EPHA7: variants seen among roughly 807,000 people sequenced by gnomAD.
The protein encoded by EPHA7 is EPH receptor A7, also known as ephrin type-A receptor 7.
Under a neutral mutation model 112.6 loss-of-function variants are expected in EPHA7, and 25 were observed. The ratio of observed to expected loss-of-function variants is 0.22; its 90% CI spans 0.16 to 0.31. EPHA7 has a LOEUF of 0.31. EPHA7 is among the 10% of genes least tolerant of loss of function. EPHA7 has a pLI of 1.00. For missense variants in EPHA7, 962 were observed against 1,212.6 expected, an observed-to-expected ratio of 0.79 and a Z score of 3.07; for synonymous variants, 437 against 406.5, an observed-to-expected ratio of 1.07 and a Z score of -0.90.
chr6:93,260,759 G>A, intron 9 of EPHA7: 1 of 980,230 alleles, frequency 1.0e-6, no homozygotes, highest in Non-Finnish European at 1.2e-6. Context: ...AAAACTGACA[G>A]ATGCTCATTT....
intron 5 of EPHA7, among the ~76,000 whole-genome samples, chr6:93,355,648 C>A (rs555417109): frequency 6.6e-6 from 1 of 152,238 alleles, no homozygotes; most frequent in South Asian, 2.1e-4. Flanking sequence ...ACTGAGAAAG[C>A]CCCTAATTTC....
intron 3 of EPHA7, among the ~76,000 whole-genome samples, chr6:93,387,302 T>G (rs538521077): frequency 3.9e-4 from 59 of 152,214 alleles, no homozygotes; most frequent in African/African-American, 1.4e-3. Flanking sequence ...AAAGTCACCT[T>G]TGCTCCAATT....
intron 3 of EPHA7, among the ~76,000 whole-genome samples, chr6:93,383,792 G>C (rs975877738): frequency 2.6e-5 from 4 of 151,970 alleles, no homozygotes; most frequent in African/African-American, 9.7e-5. Flanking sequence ...CGAACTCCTG[G>C]GCTCAAGCCA....
intron 5 of EPHA7, among the ~76,000 whole-genome samples, chr6:93,282,066 A>C (rs140448752): frequency 2.6e-5 from 4 of 152,272 alleles, no homozygotes; most frequent in Non-Finnish European, 4.4e-5. Context: ...CACAATGTTT[A>C]TAACGTTGTC....
chr6:93,260,841 G>C, intron 9 of EPHA7: 1 of 659,138 alleles, frequency 1.5e-6, no homozygotes, highest in Non-Finnish European at 1.9e-6. Context: ...GGAGAAAAGA[G>C]AGAAGAAGGA....
chr6:93,331,409 T>G (rs1050947403), intron 5 of EPHA7, among the ~76,000 whole-genome samples: 1 of 150,944 alleles, frequency 6.6e-6, no homozygotes, highest in African/African-American at 2.4e-5. Context: ...CCTGAATACA[T>G]GCCTTCCTGA....
At chr6:93,358,116 T>A in intron 4 of EPHA7, 140 bp downstream of exon 4, 1 of 598,978 alleles carries the variant, frequency 1.7e-6, no homozygotes, top group African/African-American at 2.0e-5. Context: ...GAAAATTTTA[T>A]CTTAATATTT....
At chr6:93,419,191 G>A (rs1262919057) in intron 1 of EPHA7, 54 bp downstream of exon 1, 1 of 1,478,900 alleles carries the variant, frequency 6.8e-7, no homozygotes, top group East Asian at 2.4e-5. Flanking sequence ...GGCTTGTGCA[G>A]GTAGACATCT....
intron 3 of EPHA7, among the ~76,000 whole-genome samples, chr6:93,403,932 A>AT (rs1778559606): frequency 6.6e-6 from 1 of 152,042 alleles, no homozygotes. Context: ...ATAATTGTTA[A>AT]TTTTTTTCTT....
intron 3 of EPHA7, among the ~76,000 whole-genome samples, chr6:93,405,770 T>C (rs1208987287): frequency 7.3e-6 from 1 of 137,114 alleles, no homozygotes; most frequent in Non-Finnish European, 1.6e-5. Flanking sequence ...GTGTTTCTTA[T>C]ATTTCTGTAT....
intron 3 of EPHA7, among the ~76,000 whole-genome samples, chr6:93,406,065 A>T (rs1040688273): frequency 6.6e-6 from 1 of 150,630 alleles, no homozygotes; most frequent in Non-Finnish European, 1.5e-5. Flanking sequence ...ATAATGATAG[A>T]CCTCTTAACA....
At chr6:93,380,373 T>G (rs1375892784) in intron 3 of EPHA7, among the ~76,000 whole-genome samples, 1 of 152,094 alleles carries the variant, frequency 6.6e-6, no homozygotes, top group Non-Finnish European at 1.5e-5. Flanking sequence ...ATAAAAGCAT[T>G]CCACCATGGT....
intron 3 of EPHA7, among the ~76,000 whole-genome samples, chr6:93,387,728 T>C (rs1006282804): frequency 5.9e-5 from 9 of 151,916 alleles, no homozygotes; most frequent in African/African-American, 1.5e-4. Flanking sequence ...GGAGAGAGAA[T>C]TGCAGAGTGA....
chr6:93,248,116 A>T (rs1196496726), intron 14 of EPHA7, among the ~76,000 whole-genome samples: 2 of 19,126 alleles, frequency 1.0e-4, no homozygotes, highest in African/African-American at 2.0e-4. Context: ...CCCTCTGAGG[A>T]AAAAAAAAAT....
intron 5 of EPHA7, among the ~76,000 whole-genome samples, chr6:93,356,091 TA>T (rs931638678): frequency 6.6e-6 from 1 of 152,164 alleles, no homozygotes; most frequent in African/African-American, 2.4e-5. Context: ...AACAAAAAGG[TA>T]AAAGTGTGAA....
intron 2 of EPHA7, among the ~76,000 whole-genome samples, chr6:93,414,453 G>T (rs1488591078): frequency 1.3e-5 from 2 of 151,806 alleles, no homozygotes; most frequent in African/African-American, 4.8e-5. Context: ...GGACCCTGAG[G>T]TATGATTCCA....
chr6:93,351,830 GT>G (rs1027103825), intron 5 of EPHA7, among the ~76,000 whole-genome samples: 2 of 151,952 alleles, frequency 1.3e-5, no homozygotes, highest in African/African-American at 4.8e-5. Context: ...TCTTATAATT[GT>G]TTCAGGACAG....
At chr6:93,383,343 A>G (rs1582638391) in intron 3 of EPHA7, among the ~76,000 whole-genome samples, 2 of 150,968 alleles carry the variant, frequency 1.3e-5, no homozygotes, top group East Asian at 2.0e-4. Flanking sequence ...GTGTGTGTGT[A>G]TAATTTAATG....
intron 5 of EPHA7, among the ~76,000 whole-genome samples, chr6:93,291,084 A>G (rs901214139): frequency 1.3e-5 from 2 of 152,196 alleles, no homozygotes; most frequent in South Asian, 2.1e-4. Flanking sequence ...TTATATTTTG[A>G]TAGTAATAAA....
Sources: gnomAD v4.1 joint callset for allele counts (sites outside exome capture counted in the v4.1 genomes callset) on GRCh38, gnomAD v4.1.1 for gene constraint, MANE v1.5 for transcripts, NCBI Gene and HGNC (gene_info 2026-07-23, HGNC 2026-07-21) for gene names.